Variants in COPS2 observed in about 807,000 individuals in gnomAD.
COPS2 encodes COP9 signalosome complex subunit 2.
In COPS2, 10 loss-of-function variants were observed where a neutral mutation model predicts 66.1. The ratio of observed to expected loss-of-function variants is 0.15; its 90% CI spans 0.09 to 0.26. The LOEUF (loss-of-function observed/expected upper bound fraction) is 0.26. Ranked by LOEUF, COPS2 falls within the 10% of genes least tolerant of loss-of-function variation. The pLI, the probability that COPS2 is intolerant of heterozygous loss-of-function variation, is 1.00. For synonymous variants in COPS2, 179 were observed against 171.3 expected, an observed-to-expected ratio of 1.04 and a Z score of -0.35; for missense variants, 215 against 513.3, an observed-to-expected ratio of 0.42 and a Z score of 5.62.
intron 1 of COPS2, among the ~76,000 whole-genome samples, chr15:49,151,790 C>G (rs1456557876): frequency 6.8e-6 from 1 of 147,162 alleles, no homozygotes; most frequent in Non-Finnish European, 1.5e-5. Flanking sequence ...TGTTGAATTT[C>G]TTTTATATTC....
At chr15:49,134,610 C>T (rs1015612287) in intron 6 of COPS2, 96 bp from the exon 7 acceptor site, 1 of 1,009,070 alleles carries the variant, frequency 9.9e-7, no homozygotes, top group African/African-American at 1.6e-5. Flanking sequence ...AATACTATTT[C>T]CATGTGAAAA....
At chr15:49,145,104 A>T in intron 1 of COPS2, 26 bp from the exon 2 acceptor site, 2 of 1,239,084 alleles carry the variant, frequency 1.6e-6, no homozygotes, top group African/African-American at 3.1e-5. Flanking sequence ...AGAAATATTA[A>T]AAGAAAAAAA....
Position 49,126,392 on chromosome 15 carries a change from A to T in COPS2, c.*1558T>A, listed in dbSNP as rs1393455998. On this transcript the variant is annotated 3_prime_UTR_variant, in exon 13 of 13. Transcript: ENST00000388901. ...AAAATTTTGACAAAACCGAATAAGC[A>T]TGCCTTGTTTTAAGTCCATGCTCCT... is the stretch of plus-strand genomic sequence containing the variant. The T allele has an allele frequency of 1.3e-5, 2 of 152,404 alleles. No homozygotes were observed. The highest frequency in any genetic ancestry group is 4.8e-5 in the African/African-American group (2 of 41,444). The allele number at this position is 152,404 out of a possible 1,614,324, so 9.4% of individuals were successfully genotyped here. A position where few individuals can be genotyped will look rare whatever the true frequency, so the allele number is the denominator to read the frequency against.
At chr15:49,131,859 A>G (rs1017867479) in intron 9 of COPS2, among the ~76,000 whole-genome samples, 1 of 152,212 alleles carries the variant, frequency 6.6e-6, no homozygotes, top group Non-Finnish European at 1.5e-5. Context: ...CATCTTATAC[A>G]AAATTGTGGG....
chr15:49,155,241 C>T (rs1405236642), intron 1 of COPS2, among the ~76,000 whole-genome samples: 1 of 152,234 alleles, frequency 6.6e-6, no homozygotes, highest in East Asian at 1.9e-4. Flanking sequence ...GAGAACCGAA[C>T]GCCTGGGACC....
At position 49,134,585 on chromosome 15, in the gene COPS2, A is replaced by G. The variant is rs2084237457; in HGVS notation, c.541-71T>C. 6.6e-6 allele frequency: 8 copies of G among 1,210,706 alleles called. No individual in the cohort carries two copies. The Middle Eastern group carries it at 1.7e-3, about 262-fold the overall frequency. 75.0% of individuals were successfully genotyped at this position (1,210,706 alleles called of 1,614,324 possible). A position where few individuals can be genotyped will look rare whatever the true frequency, so the allele number is the denominator to read the frequency against. ...GTAATTCTTATTTGCATTAGCCTGG[A>G]AATCTTACATTTATAATACTATTTC... On this transcript the variant is annotated intron_variant, in intron 6 of 12. Coordinates refer to ENST00000388901, the MANE Select transcript of COPS2 (RefSeq NM_004236.4).
chr15:49,128,321 A>T (rs1418229666), intron 12 of COPS2, among the ~76,000 whole-genome samples: 1 of 152,210 alleles, frequency 6.6e-6, no homozygotes, highest in Non-Finnish European at 1.5e-5. Context: ...TAAGGCATAG[A>T]TTTATCCGAT....
intron 1 of COPS2, among the ~76,000 whole-genome samples, chr15:49,155,097 C>T (rs1253788561): frequency 1.3e-5 from 2 of 152,194 alleles, no homozygotes; most frequent in Non-Finnish European, 1.5e-5. Flanking sequence ...CTGACTTCTC[C>T]TAGCATTTCG....
chr15:49,130,464 T>A (rs555860483), intron 10 of COPS2, among the ~76,000 whole-genome samples: 2 of 152,268 alleles, frequency 1.3e-5, no homozygotes, highest in East Asian at 3.9e-4. Flanking sequence ...TAGATTTTTT[T>A]AAAAAGGGAC....
intron 3 of COPS2, among the ~76,000 whole-genome samples, chr15:49,140,434 A>G (rs1192235508): frequency 6.6e-6 from 1 of 152,216 alleles, no homozygotes; most frequent in Non-Finnish European, 1.5e-5. Flanking sequence ...GGCTGGTTAT[A>G]TATAAAAATG....
intron 4 of COPS2, among the ~76,000 whole-genome samples, chr15:49,138,675 C>G (rs1307943598): frequency 6.6e-6 from 1 of 152,032 alleles, no homozygotes; most frequent in East Asian, 1.9e-4. Context: ...ATTGGCATTA[C>G]ATAAAATTTA....
intron 1 of COPS2, 44 bp downstream of exon 1, chr15:49,155,481 C>G (rs1160338234): frequency 4.4e-6 from 7 of 1,604,800 alleles, no homozygotes; most frequent in African/African-American, 2.7e-5. Flanking sequence ...ACCCCGAAAA[C>G]AAGACACATC....
chr15:49,148,068 C>T (rs72727223), intron 1 of COPS2, among the ~76,000 whole-genome samples: 1 of 152,278 alleles, frequency 6.6e-6, no homozygotes, highest in Non-Finnish European at 1.5e-5. Context: ...CTGTGCACTA[C>T]TGCAAATTAT....
chr15:49,155,490 TC>T, intron 1 of COPS2, 34 bp downstream of exon 1: 1 of 1,610,432 alleles, frequency 6.2e-7, no homozygotes, highest in Non-Finnish European at 8.5e-7. Flanking sequence ...ACAAGACACA[TC>T]ACCACCCTCA....
At chr15:49,154,997 C>T (rs1415892566) in intron 1 of COPS2, among the ~76,000 whole-genome samples, 2 of 152,342 alleles carry the variant, frequency 1.3e-5, no homozygotes, top group East Asian at 3.9e-4. Context: ...CAAAACTGGC[C>T]CTGGCAAGAC....
At chr15:49,139,859 T>C (rs891083330) in intron 3 of COPS2, among the ~76,000 whole-genome samples, 7 of 152,220 alleles carry the variant, frequency 4.6e-5, no homozygotes, top group Admixed American at 3.9e-4. Context: ...ACCAAATGTA[T>C]AAAGTTAGCT....
intron 6 of COPS2, among the ~76,000 whole-genome samples, chr15:49,134,737 AG>A (rs1363233944): frequency 6.6e-6 from 1 of 152,194 alleles, no homozygotes; most frequent in Non-Finnish European, 1.5e-5. Context: ...AAGTAGCCAA[AG>A]GTTTTTTTTA....
At chr15:49,154,621 AAC>A (rs2084397761) in intron 1 of COPS2, among the ~76,000 whole-genome samples, 1 of 152,220 alleles carries the variant, frequency 6.6e-6, no homozygotes, top group African/African-American at 2.4e-5. Flanking sequence ...AAAATAAAGA[AAC>A]ACAGCAAAAT....
At chr15:49,147,826 G>A (rs1336087264) in intron 1 of COPS2, among the ~76,000 whole-genome samples, 1 of 151,734 alleles carries the variant, frequency 6.6e-6, no homozygotes, top group Non-Finnish European at 1.5e-5. Context: ...ATATCATACG[G>A]ATTAAGAAAT....
Sources: gnomAD v4.1 joint callset for allele counts (sites outside exome capture counted in the v4.1 genomes callset) on GRCh38, gnomAD v4.1.1 for gene constraint, MANE v1.5 for transcripts, NCBI Gene and HGNC (gene_info 2026-07-23, HGNC 2026-07-21) for gene names.